ADAMTS1: variants seen among roughly 807,000 people sequenced by gnomAD.
The protein encoded by ADAMTS1 is ADAM metallopeptidase with thrombospondin type 1 motif 1, also known as A disintegrin and metalloproteinase with thrombospondin motifs 1.
A neutral mutation model predicts 87.9 loss-of-function variants in ADAMTS1; 19 were observed. The ratio of observed to expected loss-of-function variants is 0.22; its 90% CI spans 0.15 to 0.32. The LOEUF is 0.32. ADAMTS1 is among the 10% of genes least tolerant of loss of function. The pLI is 1.00. For synonymous variants in ADAMTS1, 542 were observed against 501.8 expected, an observed-to-expected ratio of 1.08 and a Z score of -1.07; for missense variants, 1,240 against 1,259.1, an observed-to-expected ratio of 0.98 and a Z score of 0.23.
At position 26,842,369 on chromosome 21, in the gene ADAMTS1, G is replaced by C. The variant is rs1468848839; in HGVS notation, c.1047C>G (p.His349Gln). ...HNPPSDRDAE[H>Q]YDTAILFTRQ... ...TGGTGAAAAGAATTGCTGTGTCATAGTGCTCTGCATCCCGGTCACTGGGTG... is the reference window on the plus strand; with the variant it reads ...TGGTGAAAAGAATTGCTGTGTCATACTGCTCTGCATCCCGGTCACTGGGTG... Residue 349 changes from histidine to glutamine, a missense_variant, in exon 2 of 9, where the codon CAC (histidine) becomes CAG (glutamine). Around this residue, in one of 3 missense-constraint regions of ADAMTS1, gnomAD observed 317 missense variants for 410.3 expected, o/e 0.77. Transcript: ENST00000284984. 2 of 1,613,996 alleles carry C rather than the reference G, an allele frequency of 1.2e-6. No homozygotes were observed. The highest frequency in any genetic ancestry group is 1.7e-5 in the Admixed American group (1 of 59,984).
Position 26,844,825 on chromosome 21 carries a change from G to C in ADAMTS1, c.130C>G (p.Leu44Val). 1.9e-6 allele frequency: 3 copies of C among 1,551,900 alleles called. No homozygotes were observed. The highest frequency in any genetic ancestry group is 2.6e-6 in the Non-Finnish European group (3 of 1,148,796). ...PTLLLLAAAL[L>V]AVSDALGRPS... Reference sequence around the variant, plus strand: ...CGCCCGAGTGCGTCCGACACGGCCAGTAGCGCCGCGGCGAGCAGCAGCAGC... The same window carrying C: ...CGCCCGAGTGCGTCCGACACGGCCACTAGCGCCGCGGCGAGCAGCAGCAGC... The change falls in exon 1 of 9, where the codon CTG (leucine) becomes GTG (valine). Residue 44 changes from leucine to valine, a missense_variant. Transcript: ENST00000284984.
At chr21:26,842,855 T>G in intron 1 of ADAMTS1, 170 bp from the exon 2 acceptor site, 1 of 614,396 alleles carries the variant, frequency 1.6e-6, no homozygotes, top group Non-Finnish European at 2.8e-6. Context: ...ATTTTTAAAG[T>G]TCTCTCCTCT....
intron 1 of ADAMTS1, 67 bp downstream of exon 1, chr21:26,844,158 T>A: frequency 6.7e-7 from 1 of 1,496,492 alleles, no homozygotes. Flanking sequence ...TACCCTGAAG[T>A]CGCGTGGGAT....
At chr21:26,838,921 T>C (rs554637212) in intron 7 of ADAMTS1, 1 of 246,166 alleles carries the variant, frequency 4.1e-6, no homozygotes, top group African/African-American at 2.2e-5. Flanking sequence ...GAGCCTAGAA[T>C]AATTAGTATC....
rs1194321758 is a variant in ADAMTS1 at position 26,837,679 on chromosome 21, C to T, written c.2804G>A (p.Cys935Tyr). ...TAACACCCCTCCATCATGGGACAGA[C>T]ACTTCAAGCTTCTTTTTTTGTAACC... ...GKGYKKRSLK[C>Y]LSHDGGVLSH... Residue 935 changes from cysteine to tyrosine, a missense_variant, in exon 9 of 9, where the codon TGT (cysteine) becomes TAT (tyrosine). Transcript: ENST00000284984. The T allele has an allele frequency of 6.2e-7, 1 of 1,614,214 alleles. No homozygotes were observed. Among genetic ancestry groups the T allele is most frequent in the South Asian group, 1.1e-5 (1 of 91,084 alleles).
chr21:26,837,476 G>T lies in ADAMTS1; in HGVS notation c.*103C>A. On this transcript the variant is annotated 3_prime_UTR_variant, in exon 9 of 9. Transcript: ENST00000284984. Reference sequence around the variant, plus strand: ...TCCCACCTTACTGATACACCTCACTGGTTACTGGCAAGATACGCTGGATCC... The same window carrying T: ...TCCCACCTTACTGATACACCTCACTTGTTACTGGCAAGATACGCTGGATCC... 3 of 986,396 alleles carry T rather than the reference G, an allele frequency of 3.0e-6. No homozygotes were observed. The highest frequency in any genetic ancestry group is 4.6e-6 in the Non-Finnish European group (3 of 649,708). 61.1% of individuals were successfully genotyped at this position (986,396 alleles called of 1,614,324 possible).
In ADAMTS1 at chr21:26,838,060, A is replaced by G; in HGVS notation, c.2423T>C (p.Leu808Ser). ...VLRYSGSSAA[L>S]ERIRSFSPLK... The stretch of plus-strand genomic sequence containing the variant: ...AGGGCTAAAGCTGCGAATTCTTTCC[A>G]ATGCCGCAGAGGAGCCGCTGTACCT... The change falls in exon 9 of 9, where the codon TTG becomes TCG. Residue 808 changes from leucine to serine, a missense_variant. By Grantham distance (145) the Leu-to-Ser change is moderately radical. Around this residue, in one of 3 missense-constraint regions of ADAMTS1, gnomAD observed 402 missense variants for 399.1 expected, o/e 1.01. Coordinates refer to ENST00000284984, the MANE Select transcript of ADAMTS1 (RefSeq NM_006988.5). 6.2e-7 allele frequency: 1 copy of G among 1,614,184 alleles called. No individual in the cohort carries two copies. The highest frequency in any genetic ancestry group is 8.5e-7 in the Non-Finnish European group (1 of 1,180,030).
At chr21:26,843,851 A>G in intron 1 of ADAMTS1, 2 of 456,686 alleles carry the variant, frequency 4.4e-6, no homozygotes, top group Non-Finnish European at 8.6e-6. Context: ...TGCAACCCGC[A>G]CAAAAGGCGC....
At chr21:26,840,251 A>C in intron 5 of ADAMTS1, 25 bp downstream of exon 5, 1 of 1,603,466 alleles carries the variant, frequency 6.2e-7, no homozygotes. Context: ...TTCAATTCTG[A>C]ATGTGTTTCA....
chr21:26,840,245 A>G (rs1985464131), intron 5 of ADAMTS1, 31 bp downstream of exon 5: 1 of 1,600,912 alleles, frequency 6.2e-7, no homozygotes, highest in Non-Finnish European at 8.5e-7. Flanking sequence ...GTTCTTTTCA[A>G]TTCTGAATGT....
At position 26,842,382 on chromosome 21, in the gene ADAMTS1, C is replaced by T. The variant is rs145409028; in HGVS notation, c.1034G>A (p.Arg345Gln). ...WQKQHNPPSD[R>Q]DAEHYDTAIL... ...TGCTGTGTCATAGTGCTCTGCATCC[C>T]GGTCACTGGGTGGGTTGTGCTGCTT... The change falls in exon 2 of 9, where the codon CGG becomes CAG. Residue 345 changes from arginine to glutamine, a missense_variant. Coordinates refer to ENST00000284984, the MANE Select transcript of ADAMTS1 (RefSeq NM_006988.5). 78 of 1,613,994 alleles carry T rather than the reference C, an allele frequency of 4.8e-5. No homozygotes were observed. The African/African-American group carries it at 8.9e-4, about 19-fold the overall frequency.
At chr21:26,840,114 G>C (rs1034885673) in intron 5 of ADAMTS1, 53 bp from the exon 6 acceptor site, 24 of 1,568,232 alleles carry the variant, frequency 1.5e-5, no homozygotes, top group Non-Finnish European at 2.0e-5. Context: ...AGAACTTTTA[G>C]GGTATCAAAG....
chr21:26,841,066 A>G lies in ADAMTS1; in HGVS notation c.1310T>C (p.Leu437Pro), dbSNP rs1214586079. ...AGGAGACCAAGGCTGGCTGTGGTCC[A>G]GGTTGGAAAGCATTGACGCCATCAT... ...SHMMASMLSN[L>P]DHSQPWSPCS... The change falls in exon 4 of 9, where the codon CTG (leucine) becomes CCG (proline). Residue 437 changes from leucine (L) to proline (P), a missense_variant. Transcript: ENST00000284984. The G allele has an allele frequency of 1.2e-6, 2 of 1,614,132 alleles. No individual in the cohort carries two copies. The highest frequency in any genetic ancestry group is 1.7e-6 in the Non-Finnish European group (2 of 1,180,058).
chr21:26,843,295 C>A (rs1347291270), intron 1 of ADAMTS1, among the ~76,000 whole-genome samples: 1 of 152,224 alleles, frequency 6.6e-6, no homozygotes, highest in East Asian at 1.9e-4. Flanking sequence ...AGCTTCCAGG[C>A]ATGATTGATT....
intron 1 of ADAMTS1, chr21:26,843,675 G>T: frequency 2.1e-6 from 1 of 479,764 alleles, no homozygotes; most frequent in East Asian, 6.5e-5. Flanking sequence ...GCCTGGGTCA[G>T]CCTTATAAGG....
chr21:26,842,780 A>G, intron 1 of ADAMTS1, 95 bp from the exon 2 acceptor site: 1 of 1,014,212 alleles, frequency 9.9e-7, no homozygotes, highest in Non-Finnish European at 1.4e-6. Context: ...GTCAAAGCAA[A>G]CAAAGCAAAA....
chr21:26,842,776 G>A (rs1249047319), intron 1 of ADAMTS1, 91 bp from the exon 2 acceptor site: 1 of 1,003,080 alleles, frequency 1.0e-6, no homozygotes, highest in Non-Finnish European at 1.4e-6. Context: ...ACCAGTCAAA[G>A]CAAACAAAGC....
intron 4 of ADAMTS1, 143 bp from the exon 5 acceptor site, chr21:26,840,705 G>T: frequency 1.0e-6 from 1 of 969,706 alleles, no homozygotes. Context: ...GGGAAATGCT[G>T]AAGAGATTTA....
chr21:26,842,558 A>T lies in ADAMTS1; in HGVS notation c.858T>A (p.Phe286Leu), dbSNP rs1257279654. ...GTTTGTACAATCTGGCTGCCACCGA[A>T]AACAACGTGAGAAGGTAATGCTTTA... ...SGLKHYLLTL[F>L]SVAARLYKHP... is the part of the protein sequence containing the mutation. The change falls in exon 2 of 9, where the codon TTT (phenylalanine) becomes TTA (leucine). Residue 286 changes from phenylalanine (F) to leucine (L), a missense_variant. Coordinates refer to ENST00000284984, the MANE Select transcript of ADAMTS1 (RefSeq NM_006988.5). 6.2e-7 allele frequency: 1 copy of T among 1,614,184 alleles called. No homozygotes were observed. Among genetic ancestry groups the T allele is most frequent in the Non-Finnish European group, 8.5e-7 (1 of 1,180,036 alleles).
Sources: allele counts gnomAD v4.1 joint callset (sites outside exome capture counted in the v4.1 genomes callset), GRCh38; gene constraint gnomAD v4.1.1; regional missense constraint gnomAD v4.1.1; transcripts MANE v1.5; gene names NCBI Gene and HGNC (gene_info 2026-07-23, HGNC 2026-07-21).